Variants in ANO10 observed in about 807,000 individuals in gnomAD.
ANO10 encodes the protein anoctamin-10.
Under a neutral mutation model 74.7 loss-of-function variants are expected in ANO10, and 77 were observed. The observed-to-expected ratio is 1.03, with a 90% CI of 0.86 to 1.25. The LOEUF is 1.25. Among genes scored for constraint, ANO10 ranks in the 50% most tolerant of loss-of-function variants. The pLI is 0.00. For missense variants in ANO10, 721 were observed against 778.1 expected (o/e 0.93, Z 0.87); for synonymous variants, 279 against 284.9 (o/e 0.98, Z 0.21).
chr3:43,524,890 A>C (rs1035534513), intron 11 of ANO10, among the ~76,000 whole-genome samples: 14 of 152,142 alleles, frequency 9.2e-5, no homozygotes, highest in Admixed American at 3.3e-4. Context: ...ATGCCTCTCC[A>C]GAAGAGTCAC....
chr3:43,685,117 A>G (rs1426741860), intron 1 of ANO10, among the ~76,000 whole-genome samples: 1 of 152,244 alleles, frequency 6.6e-6, no homozygotes, highest in Non-Finnish European at 1.5e-5. Context: ...TATTTTATCT[A>G]AGTCATCAAA....
intron 1 of ANO10, among the ~76,000 whole-genome samples, chr3:43,669,256 A>G (rs758099570): frequency 1.3e-5 from 2 of 152,192 alleles, no homozygotes; most frequent in African/African-American, 2.4e-5. Flanking sequence ...TAAAAGGAAC[A>G]GAATCCTCCA....
At chr3:43,545,113 G>C (rs1217012934) in intron 11 of ANO10, among the ~76,000 whole-genome samples, 1 of 151,932 alleles carries the variant, frequency 6.6e-6, no homozygotes, top group African/African-American at 2.4e-5. Context: ...ATAGACTATG[G>C]CATTTTTTGA....
intron 11 of ANO10, among the ~76,000 whole-genome samples, chr3:43,447,741 C>T (rs926033949): frequency 6.6e-6 from 1 of 152,134 alleles, no homozygotes; most frequent in African/African-American, 2.4e-5. Flanking sequence ...AAAAACTACA[C>T]AGAAAGTAGA....
chr3:43,618,738 G>GT (rs2083242330), intron 1 of ANO10, among the ~76,000 whole-genome samples: 2 of 152,156 alleles, frequency 1.3e-5, no homozygotes, highest in Non-Finnish European at 2.9e-5. Flanking sequence ...TTTCTAGTCT[G>GT]TAACTCCCAG....
intron 11 of ANO10, among the ~76,000 whole-genome samples, chr3:43,503,543 A>G (rs1340318970): frequency 6.6e-6 from 1 of 152,234 alleles, no homozygotes; most frequent in Non-Finnish European, 1.5e-5. Context: ...ATGAATGAAG[A>G]GAAGGGGGCA....
At chr3:43,586,455 G>A (rs952760698) in intron 4 of ANO10, among the ~76,000 whole-genome samples, 2 of 152,042 alleles carry the variant, frequency 1.3e-5, no homozygotes, top group African/African-American at 4.8e-5. Flanking sequence ...TTCCCTGCTG[G>A]AAGCCCCTAG....
chr3:43,537,372 G>A (rs1294137875), intron 11 of ANO10, among the ~76,000 whole-genome samples: 2 of 152,092 alleles, frequency 1.3e-5, no homozygotes, highest in Non-Finnish European at 2.9e-5. Flanking sequence ...GTGCACCAGT[G>A]ACCACATCAC....
chr3:43,380,469 TA>T (rs2091929218), intron 12 of ANO10, among the ~76,000 whole-genome samples: 1 of 150,330 alleles, frequency 6.7e-6, no homozygotes. Context: ...CCTATCAGAT[TA>T]ACCTATCAGA....
chr3:43,551,421 C>T (rs2079452557), intron 10 of ANO10: 2 of 438,840 alleles, frequency 4.6e-6, no homozygotes, highest in South Asian at 3.2e-5. Context: ...ATATAATAAA[C>T]TGCATGCATT....
At chr3:43,663,851 A>G (rs2149574131) in intron 1 of ANO10, among the ~76,000 whole-genome samples, 1 of 152,336 alleles carries the variant, frequency 6.6e-6, no homozygotes, top group South Asian at 2.1e-4. Context: ...TTCAAGAAGA[A>G]CTACAAACCA....
Position 43,423,642 on chromosome 3 carries a change from C to G in ANO10, c.1914+8969G>C, listed in dbSNP as rs767772145. On this transcript the variant is annotated intron_variant, in intron 12 of 12. Coordinates refer to ENST00000292246, the MANE Select transcript of ANO10 (RefSeq NM_018075.5). ...TTACAAAGTAGGAGTGCTTGGGAATCTTGCTAGACCCAAAAGGTGCAAAGG... is the reference window on the plus strand; with the variant it reads ...TTACAAAGTAGGAGTGCTTGGGAATGTTGCTAGACCCAAAAGGTGCAAAGG... Among the ~76,000 whole-genome samples, 124 of 152,312 alleles carry G rather than the reference C, an allele frequency of 8.1e-4. 1 individual carries two copies. Among genetic ancestry groups the G allele is most frequent in the Non-Finnish European group, 1.5e-3 (105 of 68,028 alleles).
intron 1 of ANO10, among the ~76,000 whole-genome samples, chr3:43,666,596 A>G (rs1216473038): frequency 3.9e-5 from 6 of 152,304 alleles, no homozygotes; most frequent in Middle Eastern, 6.8e-3. Context: ...TCAATCATAG[A>G]TATCTATCAA....
chr3:43,369,691 G>T (rs113782543), intron 12 of ANO10, among the ~76,000 whole-genome samples: 3 of 152,180 alleles, frequency 2.0e-5, no homozygotes, highest in African/African-American at 4.8e-5. Flanking sequence ...TGGTATGGAG[G>T]GGGGCTCAGC....
intron 11 of ANO10, among the ~76,000 whole-genome samples, chr3:43,543,615 C>T (rs2079052317): frequency 6.6e-6 from 1 of 152,148 alleles, no homozygotes; most frequent in African/African-American, 2.4e-5. Flanking sequence ...GTCTTGATCT[C>T]CTGACCTGTG....
intron 12 of ANO10, among the ~76,000 whole-genome samples, chr3:43,421,656 C>A (rs1360077192): frequency 6.6e-6 from 1 of 152,152 alleles, no homozygotes; most frequent in African/African-American, 2.4e-5. Context: ...AAGACCCTGT[C>A]TCTACTATAA....
chr3:43,671,517 A>C (rs1400494763), intron 1 of ANO10, among the ~76,000 whole-genome samples: 1 of 152,184 alleles, frequency 6.6e-6, no homozygotes, highest in Non-Finnish European at 1.5e-5. Context: ...ATTATTTTGG[A>C]AAACCATTTA....
intron 1 of ANO10, among the ~76,000 whole-genome samples, chr3:43,681,164 G>T (rs1193571585): frequency 2.0e-5 from 3 of 151,888 alleles, no homozygotes; most frequent in African/African-American, 7.3e-5. Flanking sequence ...ACCCATCAGT[G>T]TATTATATTC....
chr3:43,686,142 G>A (rs963654433), intron 1 of ANO10, among the ~76,000 whole-genome samples: 11 of 152,010 alleles, frequency 7.2e-5, no homozygotes, highest in African/African-American at 2.4e-4. Context: ...TCAACTATGC[G>A]GAGCTCTCAA....
Sources: gnomAD v4.1 joint callset for allele counts (sites outside exome capture counted in the v4.1 genomes callset) on GRCh38, gnomAD v4.1.1 for gene constraint, MANE v1.5 for transcripts, NCBI Gene and HGNC (gene_info 2026-07-23, HGNC 2026-07-21) for gene names.